The following PTPRC variants were observed in gnomAD, a reference collection of about 807,000 sequenced individuals.
PTPRC encodes the protein receptor-type tyrosine-protein phosphatase C.
In PTPRC, 44 loss-of-function variants were observed where a neutral mutation model predicts 155.9. The observed-to-expected ratio is 0.28, with a 90% confidence interval of 0.22 to 0.36. The LOEUF (loss-of-function observed/expected upper bound fraction) is 0.36, where lower values mean the gene tolerates loss of function less well. PTPRC is among the 10% of genes least tolerant of loss of function. The probability of loss-of-function intolerance (pLI) is 1.00; values close to 1 mark genes in which losing one functional copy is unlikely to be tolerated. For synonymous variants in PTPRC, 525 were observed against 533.1 expected (o/e 0.98, Z 0.21); for missense variants, 1,401 against 1,564.6 (o/e 0.90, Z 1.76).
At position 198,708,175 on chromosome 1, in the gene PTPRC, A is replaced by G; in HGVS notation, c.947A>G (p.Lys316Arg). The part of the protein sequence containing the change: ...FQLHDCTQVE[K>R]ADTTICLKWK... The stretch of plus-strand genomic sequence containing the variant: ...TTACATGATTGTACACAAGTTGAAA[A>G]AGCAGATACTACTATTTGTTTAAAA... Residue 316 changes from lysine (K) to arginine (R), a missense_variant, in exon 10 of 33, where the codon AAA (lysine) becomes AGA (arginine). By Grantham distance (26) the Lys-to-Arg change is conservative. This residue lies in a region of PTPRC where 867 missense variants were observed against 970.4 expected (regional missense o/e 0.89). Coordinates refer to ENST00000442510, the MANE Select transcript of PTPRC (RefSeq NM_002838.5). 6.2e-7 allele frequency: 1 copy of G among 1,605,924 alleles called. No individual in the cohort carries two copies. The highest frequency in any genetic ancestry group is 8.5e-7 in the Non-Finnish European group (1 of 1,173,124).
intron 20 of PTPRC, among the ~76,000 whole-genome samples, chr1:198,733,760 T>TA (rs1292024609): frequency 6.6e-6 from 1 of 151,720 alleles, no homozygotes; most frequent in Non-Finnish European, 1.5e-5. Context: ...AAAATGCGGG[T>TA]AAAATCTAAG....
chr1:198,747,632 T>C (rs1437744284), intron 26 of PTPRC, among the ~76,000 whole-genome samples: 1 of 151,826 alleles, frequency 6.6e-6, no homozygotes, highest in Non-Finnish European at 1.5e-5. Context: ...GATGGATCTT[T>C]TCTGACTAAT....
chr1:198,756,804 T>C lies in PTPRC; in HGVS notation c.*623T>C, dbSNP rs1256532689. ...ACATTGGGAAATCTTATATTCCATATATTAGCATTTAGTCCAATGTCTTTT... is the reference window on the plus strand; with the variant it reads ...ACATTGGGAAATCTTATATTCCATACATTAGCATTTAGTCCAATGTCTTTT... On this transcript the variant is annotated 3_prime_UTR_variant, in exon 33 of 33. Coordinates refer to ENST00000442510, the MANE Select transcript of PTPRC (RefSeq NM_002838.5). 1 of 152,052 alleles carries C rather than the reference T, an allele frequency of 6.6e-6. No homozygotes were observed. Among genetic ancestry groups the C allele is most frequent in the East Asian group, 1.9e-4 (1 of 5,176 alleles). 9.4% of individuals were successfully genotyped at this position (152,052 alleles called of 1,614,324 possible).
At chr1:198,654,541 T>C (rs1271897564) in intron 2 of PTPRC, among the ~76,000 whole-genome samples, 1 of 151,784 alleles carries the variant, frequency 6.6e-6, no homozygotes, top group Non-Finnish European at 1.5e-5. Context: ...GTTGTCCTAT[T>C]TTACAATTGT....
Position 198,729,624 on chromosome 1 carries a change from A to G in PTPRC, c.1864+453A>G, listed in dbSNP as rs372934808. Among the ~76,000 whole-genome samples the G allele has an allele frequency of 3.9e-5, 6 of 152,156 alleles. No homozygotes were observed. In the South Asian group the frequency reaches 1.2e-3, roughly 32 times the overall value. Reference sequence around the variant, plus strand: ...ACAGTGATAAAACTTAAATTCCTTTACTCACTCAGCACCTGTGAAGTTCCC... The same window carrying G: ...ACAGTGATAAAACTTAAATTCCTTTGCTCACTCAGCACCTGTGAAGTTCCC... On this transcript the variant is annotated intron_variant, in intron 17 of 32. Transcript: ENST00000442510.
intron 2 of PTPRC, chr1:198,680,104 G>C: frequency 2.4e-6 from 1 of 413,876 alleles, no homozygotes; most frequent in South Asian, 5.7e-5. Flanking sequence ...GCGCAGCGGC[G>C]ACTCGGCAGC....
At position 198,720,530 on chromosome 1, in the gene PTPRC, A is replaced by C. The variant is rs139574264; in HGVS notation, c.1660-1886A>C. Reference sequence around the variant, plus strand: ...TTTTTAGTAGAGACGGGGGTTCACCATGTTGGCCAGGCTGGCCTAGAACTC... The same window carrying C: ...TTTTTAGTAGAGACGGGGGTTCACCCTGTTGGCCAGGCTGGCCTAGAACTC... On this transcript the variant is annotated intron_variant, in intron 14 of 32. Coordinates refer to ENST00000442510, the MANE Select transcript of PTPRC (RefSeq NM_002838.5). 1.5e-4 allele frequency among the ~76,000 whole-genome samples: 23 copies of C among 152,072 alleles called. No individual in the cohort carries two copies. The East Asian group carries it at 4.1e-3, about 27-fold the overall frequency.
intron 15 of PTPRC, 32 bp from the exon 16 acceptor site, chr1:198,728,308 C>T (rs1288638241): frequency 7.1e-6 from 11 of 1,554,914 alleles, no homozygotes; most frequent in Admixed American, 1.7e-5. Context: ...ATTTGACAAT[C>T]GTTCTCTGAA....
At position 198,712,715 on chromosome 1, in the gene PTPRC, ATATC is replaced by A. The variant is rs1653375366; in HGVS notation, c.1172-236_1172-233del. On this transcript the variant is annotated intron_variant, in intron 11 of 32. Transcript: ENST00000442510. ...TATGAAAGGAAGAGGGGGTTCTTAG[ATATC>A]TTCAAGTCAGTGGAATGCTTAGGTT... The A allele has an allele frequency of 1.6e-5, 8 of 512,568 alleles. No homozygotes were observed. The East Asian group carries it at 2.4e-4, about 16-fold the overall frequency. 31.8% of individuals were successfully genotyped at this position (512,568 alleles called of 1,614,324 possible). A position where few individuals can be genotyped will look rare whatever the true frequency, so the allele number is the denominator to read the frequency against.
chr1:198,724,043 A>C (rs972108636), intron 15 of PTPRC, among the ~76,000 whole-genome samples: 2 of 152,156 alleles, frequency 1.3e-5, no homozygotes, highest in Admixed American at 1.3e-4. Flanking sequence ...GTAGTTTAGC[A>C]ATCAAGGGTC....
At chr1:198,644,727 A>T (rs1002880242) in intron 2 of PTPRC, among the ~76,000 whole-genome samples, 2 of 151,894 alleles carry the variant, frequency 1.3e-5, no homozygotes, top group African/African-American at 4.8e-5. Context: ...TTCTATATCC[A>T]TTCATAGTAC....
chr1:198,754,383 G>T lies in PTPRC; in HGVS notation c.3624G>T (p.Arg1208Ser). 6.2e-7 allele frequency: 1 copy of T among 1,613,498 alleles called. No individual in the cohort carries two copies. The highest frequency in any genetic ancestry group is 8.5e-7 in the Non-Finnish European group (1 of 1,179,704). ...FQVVKALRKA[R>S]PGMVSTFEQY... ...TGGTAAAAGCTCTACGCAAAGCTAG[G>T]CCAGGCATGGTTTCCACATTCGTAA... Residue 1208 changes from arginine to serine, a missense_variant, in exon 32 of 33, where the codon AGG becomes AGT. Around this residue, in one of 3 missense-constraint regions of PTPRC, gnomAD observed 400 missense variants for 389.5 expected, o/e 1.03. Transcript: ENST00000442510.
intron 25 of PTPRC, 142 bp downstream of exon 25, chr1:198,742,509 G>A (rs1393483558): frequency 9.5e-7 from 1 of 1,057,468 alleles, no homozygotes; most frequent in African/African-American, 1.6e-5. Context: ...CTAAAACGTG[G>A]TAATCACCAG....
intron 11 of PTPRC, 42 bp downstream of exon 11, chr1:198,709,866 C>A: frequency 6.3e-7 from 1 of 1,596,490 alleles, no homozygotes; most frequent in South Asian, 1.1e-5. Context: ...TTGCTTCTCT[C>A]TTCATGTTCT....
chr1:198,742,109 T>C, intron 24 of PTPRC, 83 bp downstream of exon 24: 1 of 1,602,236 alleles, frequency 6.2e-7, no homozygotes, highest in East Asian at 2.2e-5. Flanking sequence ...AGAGACATCT[T>C]TCCCTTTGGC....
chr1:198,680,087 G>C, intron 2 of PTPRC: 1 of 430,490 alleles, frequency 2.3e-6, no homozygotes, highest in Non-Finnish European at 4.2e-6. Context: ...CACTAGGCAA[G>C]GCGCAGGCGC....
chr1:198,748,271 A>T, intron 27 of PTPRC, 72 bp downstream of exon 27: 1 of 1,512,890 alleles, frequency 6.6e-7, no homozygotes, highest in Admixed American at 2.3e-5. Flanking sequence ...AATGTGGGAC[A>T]CACAGTCATA....
chr1:198,639,231 C>T lies in PTPRC; in HGVS notation c.-38C>T, dbSNP rs541883459. 2.9e-5 allele frequency: 45 copies of T among 1,566,284 alleles called. No homozygotes were observed. The highest frequency in any genetic ancestry group is 8.1e-5 in the African/African-American group (6 of 73,828). ...ACAATTATTTTGCTTTTCAGAAGGA[C>T]GCATGCTGTTTCTTAGGGACACGGC... On this transcript the variant is annotated 5_prime_UTR_variant, in exon 2 of 33. The change creates a new upstream start codon in the 5' untranslated region. Coordinates refer to ENST00000442510, the MANE Select transcript of PTPRC (RefSeq NM_002838.5).
chr1:198,662,759 A>C (rs1194430254), intron 2 of PTPRC, among the ~76,000 whole-genome samples: 1 of 152,210 alleles, frequency 6.6e-6, no homozygotes, highest in Non-Finnish European at 1.5e-5. Context: ...GATACTATAG[A>C]TACCCTTAGC....
Sources: allele counts gnomAD v4.1 joint callset (sites outside exome capture counted in the v4.1 genomes callset), GRCh38; gene constraint gnomAD v4.1.1; regional missense constraint gnomAD v4.1.1; transcripts MANE v1.5; gene names NCBI Gene and HGNC (gene_info 2026-07-23, HGNC 2026-07-21).